Variants in PLCG2 observed in about 807,000 individuals in gnomAD.
PLCG2 encodes 1-phosphatidylinositol 4,5-bisphosphate phosphodiesterase gamma-2.
A neutral mutation model predicts 175.6 loss-of-function variants in PLCG2; 69 were observed. The observed-to-expected ratio is 0.39, with a 90% CI of 0.32 to 0.48. The LOEUF is 0.48. PLCG2 is among the 20% of genes least tolerant of loss of function. The pLI, the probability that PLCG2 is intolerant of heterozygous loss-of-function variation, is 0.91. For missense variants in PLCG2, 1,798 were observed against 1,650.9 expected (o/e 1.09, Z -1.54); for synonymous variants, 827 against 624.0 (o/e 1.33, Z -4.85).
chr16:81,776,094 T>G (rs1458251042), upstream of PLCG2, among the ~76,000 whole-genome samples: 1 of 46,836 alleles, frequency 2.1e-5, no homozygotes, highest in African/African-American at 5.2e-5. Flanking sequence ...TCTCTCTTTC[T>G]TTCTTTTTTT....
At chr16:81,759,970 C>T (rs550332347) in intron 2 of PLCG2, among the ~76,000 whole-genome samples, 12 of 152,160 alleles carry the variant, frequency 7.9e-5, no homozygotes, top group African/African-American at 2.4e-4. Flanking sequence ...ACTAAAAATA[C>T]GAAAAATTAG....
intron 22 of PLCG2, among the ~76,000 whole-genome samples, chr16:81,926,856 T>A (rs1412446502): frequency 6.6e-6 from 1 of 152,228 alleles, no homozygotes; most frequent in African/African-American, 2.4e-5. Flanking sequence ...ATTAAGATCA[T>A]GTGATGGGGG....
At position 81,923,603 on chromosome 16, in the gene PLCG2, G is replaced by A; in HGVS notation, c.2417+9G>A. 1 of 1,552,164 alleles carries A rather than the reference G, an allele frequency of 6.4e-7. No individual in the cohort carries two copies. The highest frequency in any genetic ancestry group is 8.9e-7 in the Non-Finnish European group (1 of 1,124,342). Reference sequence around the variant, plus strand: ...AAGGAGCCCGGGGGCTGGTAAGGCTGAGTGGAGGCTGGGCTGCTCGGCAGG... The same window carrying A: ...AAGGAGCCCGGGGGCTGGTAAGGCTAAGTGGAGGCTGGGCTGCTCGGCAGG... On this transcript the variant is annotated intron_variant, in intron 22 of 32. Transcript: ENST00000564138.
chr16:81,842,094 G>A (rs1905863933), intron 2 of PLCG2, among the ~76,000 whole-genome samples: 1 of 152,236 alleles, frequency 6.6e-6, no homozygotes, highest in Admixed American at 6.5e-5. Flanking sequence ...GGAGGAAACA[G>A]CAAAGAGAAG....
chr16:81,931,441 G>A (rs1910498490), intron 24 of PLCG2, 56 bp from the exon 25 acceptor site: 3 of 1,563,892 alleles, frequency 1.9e-6, no homozygotes, highest in Admixed American at 1.7e-5. Context: ...GTGCAGTCTG[G>A]TCTTTGTGGC....
intron 31 of PLCG2, among the ~76,000 whole-genome samples, chr16:81,955,538 C>G (rs1911532750): frequency 1.3e-5 from 2 of 152,178 alleles, no homozygotes; most frequent in South Asian, 4.1e-4. Flanking sequence ...GCGTAATGGA[C>G]TATTTTGGTT....
chr16:81,869,607 C>T (rs1907416847), intron 6 of PLCG2, among the ~76,000 whole-genome samples: 1 of 152,154 alleles, frequency 6.6e-6, no homozygotes, highest in African/African-American at 2.4e-5. Flanking sequence ...CCCATTTTTT[C>T]CCTAGTGAAA....
chr16:81,816,334 A>G (rs1401630724), intron 2 of PLCG2, among the ~76,000 whole-genome samples: 3 of 152,130 alleles, frequency 2.0e-5, no homozygotes, highest in Non-Finnish European at 4.4e-5. Flanking sequence ...TCGTGCCACT[A>G]CACTCCAGCC....
chr16:81,755,621 G>T (rs1909905944), intron 1 of PLCG2, among the ~76,000 whole-genome samples: 1 of 152,040 alleles, frequency 6.6e-6, no homozygotes, highest in African/African-American at 2.4e-5. Flanking sequence ...TGCCTCCTGG[G>T]TTCAAGTGAT....
intron 1 of PLCG2, among the ~76,000 whole-genome samples, chr16:81,784,061 G>T (rs1431437965): frequency 6.6e-6 from 1 of 152,156 alleles, no homozygotes; most frequent in Non-Finnish European, 1.5e-5. Context: ...TGCTGCACTT[G>T]TAACTACATT....
At chr16:81,775,615 G>T (rs1001596860), upstream of PLCG2, among the ~76,000 whole-genome samples, 3 of 152,150 alleles carry the variant, frequency 2.0e-5, no homozygotes, top group Admixed American at 6.5e-5. Flanking sequence ...GAGGCTAATG[G>T]TCCAATGCAC....
chr16:81,819,915 G>A (rs1275116324), intron 2 of PLCG2, among the ~76,000 whole-genome samples: 1 of 152,112 alleles, frequency 6.6e-6, no homozygotes, highest in African/African-American at 2.4e-5. Flanking sequence ...CATTTAGTAG[G>A]TCTTATTTTC....
upstream of PLCG2, among the ~76,000 whole-genome samples, chr16:81,776,871 A>G (rs2143122762): frequency 6.6e-6 from 1 of 152,148 alleles, no homozygotes; most frequent in East Asian, 1.9e-4. Flanking sequence ...TTTTATTTTG[A>G]ACAACCAAGT....
chr16:81,939,316 G>C, intron 29 of PLCG2, among the ~76,000 whole-genome samples: 1 of 152,174 alleles, frequency 6.6e-6, no homozygotes, highest in South Asian at 2.1e-4. Context: ...CCCCTAGAGG[G>C]CAGGAGGGAC....
chr16:81,808,303 C>T (rs967356801), intron 2 of PLCG2, among the ~76,000 whole-genome samples: 1 of 151,986 alleles, frequency 6.6e-6, no homozygotes, highest in Non-Finnish European at 1.5e-5. Context: ...GGAGGCAAAC[C>T]CCTCCCCTTA....
intron 2 of PLCG2, among the ~76,000 whole-genome samples, chr16:81,772,332 A>G (rs1910299732): frequency 6.6e-6 from 1 of 152,168 alleles, no homozygotes; most frequent in South Asian, 2.1e-4. Flanking sequence ...ATTCTCACCT[A>G]GGGCCTAAGG....
intron 2 of PLCG2, among the ~76,000 whole-genome samples, chr16:81,829,668 C>T (rs1429284353): frequency 6.6e-6 from 1 of 152,266 alleles, no homozygotes; most frequent in Admixed American, 6.5e-5. Flanking sequence ...CAGGACACCA[C>T]ATTGCACCTA....
chr16:81,756,515 T>C (rs1403492298), intron 2 of PLCG2, among the ~76,000 whole-genome samples: 1 of 152,146 alleles, frequency 6.6e-6, no homozygotes, highest in African/African-American at 2.4e-5. Context: ...AAGCCTGTAC[T>C]CAATCCAGGT....
chr16:81,847,400 A>G (rs1404101194), intron 2 of PLCG2, among the ~76,000 whole-genome samples: 2 of 152,182 alleles, frequency 1.3e-5, no homozygotes, highest in Non-Finnish European at 2.9e-5. Flanking sequence ...TGACCAACTC[A>G]GTCTTTAGCC....
Sources: gnomAD v4.1 joint callset for allele counts (sites outside exome capture counted in the v4.1 genomes callset) on GRCh38, gnomAD v4.1.1 for gene constraint, MANE v1.5 for transcripts, NCBI Gene and HGNC (gene_info 2026-07-23, HGNC 2026-07-21) for gene names.